Variants in CRYL1 observed in about 807,000 individuals in gnomAD.
CRYL1 encodes the protein lambda-crystallin homolog.
CRYL1 carries 29 observed loss-of-function variants against 36.6 expected under a neutral mutation model. The ratio of observed to expected loss-of-function variants is 0.79; its 90% CI spans 0.59 to 1.08. The LOEUF is 1.08. Among genes scored for constraint, CRYL1 ranks in the 50% least tolerant of loss-of-function variants. The pLI, the probability that CRYL1 is intolerant of heterozygous loss-of-function variation, is 0.00. For missense variants in CRYL1, 411 were observed against 407.9 expected (o/e 1.01, Z -0.06); for synonymous variants, 152 against 151.5 (o/e 1.00, Z -0.02).
intron 1 of CRYL1, among the ~76,000 whole-genome samples, chr13:20,517,938 G>GAAAAA (rs67225103): frequency 2.6e-5 from 3 of 115,972 alleles, no homozygotes; most frequent in East Asian, 5.2e-4. Flanking sequence ...TCTGTCTCAA[G>GAAAAA]AAAAAAAAAA....
chr13:20,487,166 A>G (rs1181732630), intron 3 of CRYL1, among the ~76,000 whole-genome samples: 1 of 152,178 alleles, frequency 6.6e-6, no homozygotes, highest in East Asian at 1.9e-4. Flanking sequence ...TTTAACATGG[A>G]TAGATGAATT....
intron 3 of CRYL1, among the ~76,000 whole-genome samples, chr13:20,445,255 T>C (rs887844480): frequency 6.6e-6 from 1 of 152,192 alleles, no homozygotes; most frequent in Admixed American, 6.5e-5. Flanking sequence ...ATGAGGTAAC[T>C]GTTTATTTCA....
At chr13:20,456,638 A>ACACAAACAC (rs5802075) in intron 3 of CRYL1, among the ~76,000 whole-genome samples, 2 of 137,612 alleles carry the variant, frequency 1.5e-5, no homozygotes, top group East Asian at 2.0e-4. Flanking sequence ...ACACACACAC[A>ACACAAACAC]AAGACCACGA....
chr13:20,499,976 G>C (rs1338500806), intron 2 of CRYL1, among the ~76,000 whole-genome samples: 3 of 151,978 alleles, frequency 2.0e-5, no homozygotes, highest in Admixed American at 2.0e-4. Flanking sequence ...TGTTTCTTTG[G>C]GGGGAGTTCA....
intron 4 of CRYL1, 68 bp downstream of exon 4, chr13:20,439,525 A>AAAG: frequency 1.9e-6 from 2 of 1,076,422 alleles, no homozygotes; most frequent in South Asian, 1.8e-5. Context: ...AAAAAAAAAA[A>AAAG]AAAAAGAAAA....
At chr13:20,468,363 G>A (rs2137441848) in intron 3 of CRYL1, among the ~76,000 whole-genome samples, 1 of 152,264 alleles carries the variant, frequency 6.6e-6, no homozygotes, top group African/African-American at 2.4e-5. Context: ...CTAGGCTCAA[G>A]TGACCCTCCC....
chr13:20,489,286 T>G, intron 3 of CRYL1, 84 bp downstream of exon 3: 1 of 1,558,464 alleles, frequency 6.4e-7, no homozygotes, highest in Non-Finnish European at 8.7e-7. Context: ...CTGCCACTGC[T>G]CTGTATCCTG....
At chr13:20,503,944 C>T (rs571029861) in intron 2 of CRYL1, among the ~76,000 whole-genome samples, 1 of 152,338 alleles carries the variant, frequency 6.6e-6, no homozygotes, top group East Asian at 1.9e-4. Flanking sequence ...GGTTTATTAA[C>T]TCCTAGTCCA....
At chr13:20,497,737 C>T (rs2033637695) in intron 2 of CRYL1, among the ~76,000 whole-genome samples, 1 of 148,940 alleles carries the variant, frequency 6.7e-6, no homozygotes, top group African/African-American at 2.5e-5. Flanking sequence ...ACACCACATA[C>T]ATACAACTAC....
chr13:20,468,722 C>T (rs532228454), intron 3 of CRYL1, among the ~76,000 whole-genome samples: 1 of 152,326 alleles, frequency 6.6e-6, no homozygotes, highest in South Asian at 2.1e-4. Context: ...TCTCCTGCCT[C>T]AGCCTCCTGA....
rs1445771621 is a variant in CRYL1 at position 20,415,484 on chromosome 13, C to A, written c.634-2097G>T. On this transcript the variant is annotated intron_variant, in intron 5 of 7. Transcript: ENST00000298248. The surrounding 1 kb of genome is among the most constrained non-coding windows in gnomAD (Gnocchi z 4.1). ...AGCGCGGCGGTGAAGCGGGAGCAGGCGGCCTGGCCCAGGAGCCAGGACGGC... is the reference window on the plus strand; with the variant it reads ...AGCGCGGCGGTGAAGCGGGAGCAGGAGGCCTGGCCCAGGAGCCAGGACGGC... Among the ~76,000 whole-genome samples the A allele has an allele frequency of 6.6e-6, 1 of 152,192 alleles. No homozygotes were observed. The highest frequency in any genetic ancestry group is 2.4e-5 in the African/African-American group (1 of 41,456).
At chr13:20,497,319 CTACACACACACCACCACACACACTA>C (rs200020626) in intron 2 of CRYL1, among the ~76,000 whole-genome samples, 54 of 8,836 alleles carry the variant, frequency 6.1e-3, no homozygotes, top group African/African-American at 0.012. Flanking sequence ...CATATACACA[CTACACACACACCACCACACACACTA>C]CACACACACC....
At chr13:20,414,637 T>A (rs1183215044) in intron 5 of CRYL1, among the ~76,000 whole-genome samples, 1 of 152,184 alleles carries the variant, frequency 6.6e-6, no homozygotes, top group Non-Finnish European at 1.5e-5. Flanking sequence ...AACCATGGGT[T>A]TGTTTGCTAA....
chr13:20,460,946 G>A (rs2032805068), intron 3 of CRYL1, among the ~76,000 whole-genome samples: 1 of 152,282 alleles, frequency 6.6e-6, no homozygotes, highest in South Asian at 2.1e-4. Flanking sequence ...GGCTCGTGTA[G>A]GCAGCAAGGA....
intron 3 of CRYL1, among the ~76,000 whole-genome samples, chr13:20,444,129 T>A (rs575250123): frequency 3.5e-4 from 54 of 152,266 alleles, no homozygotes; most frequent in African/African-American, 1.3e-3. Context: ...TTTACATTTT[T>A]AAAAAAAGAA....
At chr13:20,436,559 G>A (rs1003143744) in intron 4 of CRYL1, among the ~76,000 whole-genome samples, 3 of 152,102 alleles carry the variant, frequency 2.0e-5, no homozygotes, top group East Asian at 1.9e-4. Context: ...CAACAGAGCC[G>A]GGCCCAGCCT....
intron 3 of CRYL1, among the ~76,000 whole-genome samples, chr13:20,467,114 A>AT (rs34482050): frequency 3.5e-5 from 5 of 144,020 alleles, no homozygotes; most frequent in African/African-American, 1.0e-4. Flanking sequence ...CGCCCGGCTG[A>AT]TTTTTTTTTT....
chr13:20,469,416 G>A (rs1044378792), intron 3 of CRYL1, among the ~76,000 whole-genome samples: 20 of 152,194 alleles, frequency 1.3e-4, no homozygotes, highest in East Asian at 1.9e-4. Flanking sequence ...AAGCCCTTGA[G>A]AAGTTCAGGT....
chr13:20,428,545 A>C (rs888770511), intron 5 of CRYL1, among the ~76,000 whole-genome samples: 4 of 152,216 alleles, frequency 2.6e-5, no homozygotes, highest in African/African-American at 9.6e-5. Context: ...GATTATTCCG[A>C]GTATGTGAGG....
Sources: allele counts gnomAD v4.1 joint callset (sites outside exome capture counted in the v4.1 genomes callset), GRCh38; gene constraint gnomAD v4.1.1; non-coding constraint Gnocchi (gnomAD v3.1); transcripts MANE v1.5; gene names NCBI Gene and HGNC (gene_info 2026-07-23, HGNC 2026-07-21).